Variants in ZNF783 observed in about 807,000 individuals in gnomAD.
The protein encoded by ZNF783 is zinc finger protein 783.
A neutral mutation model predicts 31.3 loss-of-function variants in ZNF783; 25 were observed. The ratio of observed to expected loss-of-function variants is 0.80; its 90% CI spans 0.58 to 1.11. ZNF783 has a LOEUF of 1.11. ZNF783 is among the 50% of genes most tolerant of loss of function. ZNF783 has a pLI of 0.00. For synonymous variants in ZNF783, 369 were observed against 319.1 expected (o/e 1.16, Z -1.66); for missense variants, 797 against 760.0 (o/e 1.05, Z -0.57).
intron 4 of ZNF783, chr7:149,276,308 G>T: frequency 2.0e-6 from 2 of 982,852 alleles, no homozygotes; most frequent in Non-Finnish European, 2.4e-6. Flanking sequence ...TGTGATGCTT[G>T]GGGCTGTTTA....
At chr7:149,277,424 T>C (rs964217317) in intron 4 of ZNF783, 4 of 152,192 alleles carry the variant, frequency 2.6e-5, no homozygotes, top group Non-Finnish European at 4.4e-5. Context: ...AGTTTTTTTC[T>C]TATCATCTTT....
At position 149,282,112 on chromosome 7, in the gene ZNF783, C is replaced by A; in HGVS notation, c.1410C>A (p.Tyr470Ter). 6.3e-7 allele frequency: 1 copy of A among 1,598,472 alleles called. No homozygotes were observed. The highest frequency in any genetic ancestry group is 8.5e-7 in the Non-Finnish European group (1 of 1,179,168). ...GNGQGWPACP[Y>*]CGKAFRRPSD... ...GCCAGGGCTGGCCCGCCTGCCCCTA[C>A]TGCGGCAAGGCCTTCCGCCGGCCCT... The change falls in exon 6 of 6, where the codon TAC becomes TAA. Residue 470 changes from tyrosine (Y) to a stop codon, truncating the protein, a stop_gained. Transcript: ENST00000434415. LOFTEE classifies it low-confidence loss of function (END_TRUNC).
chr7:149,279,431 G>A (rs1019683182), intron 5 of ZNF783, among the ~76,000 whole-genome samples: 7 of 152,152 alleles, frequency 4.6e-5, no homozygotes, highest in Admixed American at 2.6e-4. Flanking sequence ...CATGGCCTTC[G>A]TAGCTCTTGT....
intron 1 of ZNF783, 147 bp downstream of exon 1, chr7:149,262,504 C>A: frequency 1.4e-6 from 1 of 735,270 alleles, no homozygotes; most frequent in Non-Finnish European, 1.8e-6. Flanking sequence ...CATCGCCCAG[C>A]CCGCGTCGAA....
Position 149,284,070 on chromosome 7 carries a change from T to TG in ZNF783, c.*1731dup. The TG allele has an allele frequency of 7.2e-6, 1 of 139,266 alleles. No individual in the cohort carries two copies. Among genetic ancestry groups the TG allele is most frequent in the Middle Eastern group, 3.7e-3 (1 of 272 alleles). 8.6% of individuals were successfully genotyped at this position (139,266 alleles called of 1,614,324 possible). ...GACTGCCTCAGTTCAGACTGCCTCA[T>TG]GGGGCAGTCTGGAGGTCAGCTGGCT... On this transcript the variant is annotated 3_prime_UTR_variant, in exon 6 of 6. Coordinates refer to ENST00000434415, the MANE Select transcript of ZNF783 (RefSeq NM_001195220.2).
intron 4 of ZNF783, among the ~76,000 whole-genome samples, chr7:149,272,649 A>G (rs1197418012): frequency 6.6e-6 from 1 of 152,096 alleles, no homozygotes; most frequent in African/African-American, 2.4e-5. Flanking sequence ...GGTACATGAG[A>G]TATTTTGATA....
intron 1 of ZNF783, among the ~76,000 whole-genome samples, chr7:149,263,361 T>A (rs1585604968): frequency 6.9e-6 from 1 of 144,570 alleles, no homozygotes; most frequent in Non-Finnish European, 1.5e-5. Flanking sequence ...TCACCCAGGG[T>A]GGAGTGTAGT....
Position 149,266,941 on chromosome 7 carries a change from C to G in ZNF783, c.543C>G (p.Ser181=), listed in dbSNP as rs1184047685. The G allele has an allele frequency of 5.6e-6, 9 of 1,613,896 alleles. No homozygotes were observed. The highest frequency in any genetic ancestry group is 7.6e-6 in the Non-Finnish European group (9 of 1,179,998). ...VMRGNYETLV[S]LDYAISKPDI... is the part of the protein sequence containing the mutation. ...GGGGCAACTACGAGACGCTGGTCTC[C>G]CTGGGTAAGGCCACGGAGGGAGGAT... The change falls in exon 3 of 6, where the codon TCC becomes TCG. Residue 181 remains serine (S), a synonymous_variant. Transcript: ENST00000434415.
At position 149,283,334 on chromosome 7, in the gene ZNF783, T is replaced by G. The variant is rs1797530108; in HGVS notation, c.*991T>G. 1.3e-5 allele frequency: 2 copies of G among 152,224 alleles called. No homozygotes were observed. 9.4% of individuals were successfully genotyped at this position (152,224 alleles called of 1,614,324 possible). A position where few individuals can be genotyped will look rare whatever the true frequency, so the allele number is the denominator to read the frequency against. ...CTTGGAGGCACAGTGTCTCCCCATG[T>G]GTGTGTTTCTTGGCCCAGAGTGACT... On this transcript the variant is annotated 3_prime_UTR_variant, in exon 6 of 6. Transcript: ENST00000434415.
chr7:149,269,342 C>T (rs1404667214), intron 4 of ZNF783, among the ~76,000 whole-genome samples: 2 of 152,088 alleles, frequency 1.3e-5, no homozygotes, highest in Non-Finnish European at 2.9e-5. Context: ...TGCATAGTTT[C>T]CAGATATTTT....
In ZNF783 at chr7:149,266,613, C is replaced by G; in HGVS notation, c.303C>G (p.Thr101=). Residue 101 remains threonine (T), a synonymous_variant, in exon 2 of 6, where the codon ACC becomes ACG. Coordinates refer to ENST00000434415, the MANE Select transcript of ZNF783 (RefSeq NM_001195220.2). ...AGGGCAAGTGGGCCGTGCTGGGGAC[C>G]TTGCTGCAGGAGTACGGGCTGCTGC... ...QLEGKWAVLG[T]LLQEYGLLQR... is the part of the protein sequence containing the mutation. 6.2e-7 allele frequency: 1 copy of G among 1,614,146 alleles called. No homozygotes were observed. Among genetic ancestry groups the G allele is most frequent in the Non-Finnish European group, 8.5e-7 (1 of 1,180,034 alleles).
At chr7:149,268,397 C>T (rs1024334644) in intron 4 of ZNF783, among the ~76,000 whole-genome samples, 9 of 152,018 alleles carry the variant, frequency 5.9e-5, no homozygotes, top group African/African-American at 2.2e-4. Flanking sequence ...TTATGACAAT[C>T]CCCCCAGTCT....
chr7:149,274,725 T>G (rs1053648072), intron 4 of ZNF783, among the ~76,000 whole-genome samples: 5 of 152,238 alleles, frequency 3.3e-5, no homozygotes, highest in African/African-American at 1.2e-4. Context: ...ATCGGTTTAT[T>G]TCTGGGTTCC....
intron 5 of ZNF783, among the ~76,000 whole-genome samples, chr7:149,278,755 G>A (rs1214084310): frequency 1.3e-5 from 2 of 152,154 alleles, no homozygotes; most frequent in African/African-American, 4.8e-5. Context: ...GTATAGAGGG[G>A]TGGGTTCCTC....
In ZNF783 at chr7:149,282,109, C is replaced by T; in HGVS notation, c.1407C>T (p.Pro469=). The stretch of plus-strand genomic sequence containing the variant: ...ATGGCCAGGGCTGGCCCGCCTGCCC[C>T]TACTGCGGCAAGGCCTTCCGCCGGC... ...TGNGQGWPAC[P]YCGKAFRRPS... Residue 469 remains proline (P), a synonymous_variant, in exon 6 of 6, where the codon CCC becomes CCT. Transcript: ENST00000434415. 6.3e-7 allele frequency: 1 copy of T among 1,598,296 alleles called. No homozygotes were observed. Among genetic ancestry groups the T allele is most frequent in the East Asian group, 2.2e-5 (1 of 44,856 alleles).
At position 149,281,524 on chromosome 7, in the gene ZNF783, G is replaced by C. The variant is rs779020314; in HGVS notation, c.822G>C (p.Lys274Asn). ...TGCCAGGTGGTGGTGTGGCCATCAAGACAGAGGCACAGTCTGAAGACGAGA... is the reference window on the plus strand; with the variant it reads ...TGCCAGGTGGTGGTGTGGCCATCAACACAGAGGCACAGTCTGAAGACGAGA... ...GPEAGGGVAI[K>N]TEAQSEDEMT... Residue 274 changes from lysine to asparagine, a missense_variant, in exon 6 of 6, where the codon AAG becomes AAC. Transcript: ENST00000434415. 6 of 1,455,222 alleles carry C rather than the reference G, an allele frequency of 4.1e-6. No individual in the cohort carries two copies. Among genetic ancestry groups the C allele is most frequent in the Admixed American group, 2.6e-5 (1 of 38,406 alleles). The allele number at this position is 1,455,222 out of a possible 1,614,324, so 90.1% of individuals were successfully genotyped here. A position where few individuals can be genotyped will look rare whatever the true frequency, so the allele number is the denominator to read the frequency against.
At chr7:149,274,715 A>T (rs1334931492) in intron 4 of ZNF783, among the ~76,000 whole-genome samples, 2 of 152,210 alleles carry the variant, frequency 1.3e-5, no homozygotes, top group Non-Finnish European at 2.9e-5. Context: ...CTGTAGATGT[A>T]TCGGTTTATT....
chr7:149,281,355 A>T, intron 5 of ZNF783, 150 bp from the exon 6 acceptor site: 1 of 541,558 alleles, frequency 1.8e-6, no homozygotes, highest in Non-Finnish European at 2.9e-6. Flanking sequence ...CCTGTGTGGC[A>T]GGGCTCAGTG....
At chr7:149,262,429 T>TGGCCGCGCGA in intron 1 of ZNF783, 72 bp downstream of exon 1, 1 of 1,167,792 alleles carries the variant, frequency 8.6e-7, no homozygotes, top group Non-Finnish European at 1.1e-6. Flanking sequence ...CGAGGGACTC[T>TGGCCGCGCGA]GGCCGCGCGA....
Sources: allele counts gnomAD v4.1 joint callset (sites outside exome capture counted in the v4.1 genomes callset), GRCh38; gene constraint gnomAD v4.1.1; transcripts MANE v1.5; gene names NCBI Gene and HGNC (gene_info 2026-07-23, HGNC 2026-07-21).